PTPRM: variants seen among roughly 807,000 people sequenced by gnomAD.
The protein encoded by PTPRM is protein tyrosine phosphatase receptor type M.
In PTPRM, 47 loss-of-function variants were observed where a neutral mutation model predicts 186.7. The observed-to-expected ratio is 0.25, with a 90% CI of 0.20 to 0.32. The LOEUF (loss-of-function observed/expected upper bound fraction) is 0.32, where lower values mean the gene tolerates loss of function less well. PTPRM is among the 10% of genes least tolerant of loss of function. The probability of loss-of-function intolerance (pLI) is 1.00; values close to 1 mark genes in which losing one functional copy is unlikely to be tolerated. For missense variants in PTPRM, 1,494 were observed against 1,865.0 expected (o/e 0.80, Z 3.66); for synonymous variants, 668 against 674.9 (o/e 0.99, Z 0.16).
intron 2 of PTPRM, among the ~76,000 whole-genome samples, chr18:7,804,374 G>A (rs1390291087): frequency 2.0e-5 from 3 of 152,128 alleles, no homozygotes; most frequent in African/African-American, 7.2e-5. Context: ...TGGGCAGGCC[G>A]GAGTTAATAG....
At chr18:7,772,790 G>A (rs1439025616) in intron 1 of PTPRM, among the ~76,000 whole-genome samples, 1 of 151,972 alleles carries the variant, frequency 6.6e-6, no homozygotes, top group Non-Finnish European at 1.5e-5. Flanking sequence ...CACACATTGT[G>A]GACATAATGT....
intron 2 of PTPRM, among the ~76,000 whole-genome samples, chr18:7,858,386 G>A (rs941413486): frequency 6.6e-6 from 1 of 151,882 alleles, no homozygotes; most frequent in Admixed American, 6.6e-5. Flanking sequence ...GCAAGACTCC[G>A]TCTCTTATTA....
intron 2 of PTPRM, among the ~76,000 whole-genome samples, chr18:7,856,066 A>G (rs974544508): frequency 6.6e-6 from 1 of 151,974 alleles, no homozygotes; most frequent in Non-Finnish European, 1.5e-5. Context: ...CCCAACAAGG[A>G]CTAGACTTTT....
intron 13 of PTPRM, among the ~76,000 whole-genome samples, chr18:8,132,612 T>A (rs1197758868): frequency 6.6e-6 from 1 of 152,204 alleles, no homozygotes; most frequent in Non-Finnish European, 1.5e-5. Flanking sequence ...TTTTGGCTAG[T>A]TTAAAGACTT....
chr18:8,015,447 A>G lies in PTPRM; in HGVS notation c.1133-54239A>G, dbSNP rs547799542. Among the ~76,000 whole-genome samples the G allele has an allele frequency of 1.4e-4, 21 of 152,344 alleles. No homozygotes were observed. In the East Asian group the frequency reaches 2.9e-3, roughly 21 times the overall value. ...TCTCATTTAAAGCTGTTTATACTCA[A>G]TTTGAAATATGAAACATAGCTTCAA... On this transcript the variant is annotated intron_variant, in intron 7 of 32. Transcript: ENST00000580170.
intron 23 of PTPRM, among the ~76,000 whole-genome samples, chr18:8,362,885 A>G (rs575047546): frequency 6.6e-6 from 1 of 152,204 alleles, no homozygotes; most frequent in Non-Finnish European, 1.5e-5. Flanking sequence ...CAGCTAATAA[A>G]TGGGACCTGG....
intron 2 of PTPRM, among the ~76,000 whole-genome samples, chr18:7,820,919 A>T (rs1018479091): frequency 6.6e-6 from 1 of 152,156 alleles, no homozygotes; most frequent in Non-Finnish European, 1.5e-5. Flanking sequence ...AGGTCTACAC[A>T]TGAGCTCTTC....
intron 1 of PTPRM, among the ~76,000 whole-genome samples, chr18:7,604,051 C>G (rs915733509): frequency 5.3e-5 from 8 of 152,262 alleles, no homozygotes; most frequent in African/African-American, 1.7e-4. Context: ...TTTTTTCACA[C>G]AAGAAATGAT....
At chr18:8,258,573 T>TA (rs906631248) in intron 19 of PTPRM, among the ~76,000 whole-genome samples, 2 of 152,098 alleles carry the variant, frequency 1.3e-5, no homozygotes, top group African/African-American at 4.8e-5. Flanking sequence ...TTATTTTTTT[T>TA]ATGCCTCAAT....
chr18:7,900,842 T>C (rs1477918990), intron 3 of PTPRM, among the ~76,000 whole-genome samples: 1 of 152,216 alleles, frequency 6.6e-6, no homozygotes, highest in Non-Finnish European at 1.5e-5. Flanking sequence ...TACAAATAAA[T>C]AGTTTTTTTT....
chr18:8,161,732 A>G (rs563093984), intron 14 of PTPRM, among the ~76,000 whole-genome samples: 2 of 152,258 alleles, frequency 1.3e-5, no homozygotes, highest in South Asian at 4.1e-4. Context: ...CCAACCAGGA[A>G]AGGACAACGG....
intron 20 of PTPRM, among the ~76,000 whole-genome samples, chr18:8,296,882 T>C (rs2095102837): frequency 6.6e-6 from 1 of 152,126 alleles, no homozygotes; most frequent in Admixed American, 6.5e-5. Flanking sequence ...AGGTCAGTAA[T>C]AGCCCCATTT....
rs2092448032 is a variant in PTPRM, at chr18:8,129,356, TCTGGTGA to T, written c.2168-14288_2168-14282del. 2.6e-5 allele frequency among the ~76,000 whole-genome samples: 4 copies of T among 152,346 alleles called. No individual in the cohort carries two copies. In the South Asian group the frequency reaches 8.3e-4, roughly 32 times the overall value. On this transcript the variant is annotated intron_variant, in intron 13 of 32. Transcript: ENST00000580170. ...TGTGTCACTAGTTCTTTATCTTTAC[TCTGGTGA>T]CTAGCATGGAACTAGACACATAGTT...
At chr18:7,570,394 A>C (rs986076561) in intron 1 of PTPRM, among the ~76,000 whole-genome samples, 4 of 152,196 alleles carry the variant, frequency 2.6e-5, no homozygotes, top group African/African-American at 9.6e-5. Context: ...CAGAAGAGCT[A>C]GATTGTAAGC....
At chr18:8,254,970 C>T (rs946831551) in intron 19 of PTPRM, among the ~76,000 whole-genome samples, 2 of 152,222 alleles carry the variant, frequency 1.3e-5, no homozygotes, top group South Asian at 2.1e-4. Flanking sequence ...TAATTGAAGT[C>T]CAGAAAATAT....
chr18:7,794,074 G>A (rs1598743772), intron 2 of PTPRM, among the ~76,000 whole-genome samples: 1 of 152,276 alleles, frequency 6.6e-6, no homozygotes, highest in East Asian at 1.9e-4. Context: ...TCTCCCTTCT[G>A]GCTTCCCCAT....
At chr18:8,351,422 G>T (rs2095533537) in intron 23 of PTPRM, among the ~76,000 whole-genome samples, 1 of 152,162 alleles carries the variant, frequency 6.6e-6, no homozygotes, top group Admixed American at 6.5e-5. Flanking sequence ...TTACTGTAAG[G>T]ATTACAGAAT....
intron 14 of PTPRM, among the ~76,000 whole-genome samples, chr18:8,162,108 T>C (rs1256110019): frequency 6.6e-6 from 1 of 151,908 alleles, no homozygotes; most frequent in Non-Finnish European, 1.5e-5. Flanking sequence ...TTTTCTTTTT[T>C]TTTTTTTTCC....
intron 1 of PTPRM, among the ~76,000 whole-genome samples, chr18:7,721,823 C>G (rs1164751293): frequency 6.6e-6 from 1 of 152,138 alleles, no homozygotes; most frequent in Non-Finnish European, 1.5e-5. Context: ...TATGCCAGTA[C>G]TACATTGTTT....
Sources: gnomAD v4.1 joint callset for allele counts (sites outside exome capture counted in the v4.1 genomes callset) on GRCh38, gnomAD v4.1.1 for gene constraint, MANE v1.5 for transcripts, NCBI Gene and HGNC (gene_info 2026-07-23, HGNC 2026-07-21) for gene names.